Variants in CANT1 observed in about 807,000 individuals in gnomAD.
The protein encoded by CANT1 is calcium activated nucleotidase 1.
Under a neutral mutation model 30.0 loss-of-function variants are expected in CANT1, and 26 were observed. That is an observed-to-expected ratio of 0.87 (90% CI 0.64 to 1.20). The LOEUF (loss-of-function observed/expected upper bound fraction) is 1.20, where lower values mean the gene tolerates loss of function less well. Among genes scored for constraint, CANT1 ranks in the 50% most tolerant of loss-of-function variants. The pLI, the probability that CANT1 is intolerant of heterozygous loss-of-function variation, is 0.00. For synonymous variants in CANT1, 246 were observed against 251.8 expected, an observed-to-expected ratio of 0.98 and a Z score of 0.22; for missense variants, 518 against 563.0, an observed-to-expected ratio of 0.92 and a Z score of 0.81.
At chr17:79,009,143 AGGGGG>A (rs2145862941) in intron 1 of CANT1, among the ~76,000 whole-genome samples, 1 of 151,618 alleles carries the variant, frequency 6.6e-6, no homozygotes, top group African/African-American at 2.4e-5. Context: ...CACTAACCAG[AGGGGG>A]AGGTGCCCCA....
Position 78,998,104 on chromosome 17 carries a change from C to T in CANT1, c.-146-141G>A. On this transcript the variant is annotated intron_variant, in intron 1 of 4. Transcript: ENST00000392446. This position sits in a 1 kb window ranked among gnomAD's most constrained non-coding sequence, Gnocchi z 4.5. ...GAAGCCCTCCCTGACTGCCCTGCTG[C>T]AGACATCACCCTCCGTCCCTGGGTC... 5.3e-6 allele frequency: 1 copy of T among 189,544 alleles called. No individual in the cohort carries two copies. Among genetic ancestry groups the T allele is most frequent in the Non-Finnish European group, 1.1e-5 (1 of 90,472 alleles). The allele number at this position is 189,544 out of a possible 1,614,324, so 11.7% of individuals were successfully genotyped here. A position where few individuals can be genotyped will look rare whatever the true frequency, so the allele number is the denominator to read the frequency against.
At chr17:78,994,049 C>A in intron 4 of CANT1, 129 bp from the exon 5 acceptor site, 2 of 1,252,614 alleles carry the variant, frequency 1.6e-6, no homozygotes, top group Admixed American at 2.6e-5. Flanking sequence ...CAGCAACCCG[C>A]CCCTCCCTGC....
intron 1 of CANT1, among the ~76,000 whole-genome samples, chr17:79,000,423 C>T (rs574770207): frequency 5.1e-4 from 77 of 152,096 alleles, no homozygotes; most frequent in Admixed American, 1.5e-3. Context: ...TGCCGGCTGC[C>T]TCCCTCCACC....
In CANT1 at chr17:78,996,681, C is replaced by T. The variant is rs952729284; in HGVS notation, c.631+311G>A. Among the ~76,000 whole-genome samples the T allele has an allele frequency of 2.6e-5, 4 of 152,146 alleles. No homozygotes were observed. Among genetic ancestry groups the T allele is most frequent in the African/African-American group, 4.8e-5 (2 of 41,426 alleles). On this transcript the variant is annotated intron_variant, in intron 3 of 4. Transcript: ENST00000392446. This position sits in a 1 kb window ranked among gnomAD's most constrained non-coding sequence, Gnocchi z 5.1. ...AGAACCTTTGAAGGTGTAAAAAGGG[C>T]GTGTTCCCAGAGGCTCCGAGAGCAG... is the stretch of plus-strand genomic sequence containing the variant.
intron 1 of CANT1, among the ~76,000 whole-genome samples, 160 bp downstream of exon 1, chr17:79,009,504 A>T (rs981000541): frequency 1.3e-5 from 2 of 151,790 alleles, no homozygotes; most frequent in East Asian, 1.9e-4. Context: ...CCAGTCTGCG[A>T]GTCAGGGGGC....
chr17:79,006,830 C>T (rs541339699), intron 1 of CANT1, among the ~76,000 whole-genome samples: 16 of 152,300 alleles, frequency 1.1e-4, no homozygotes, highest in South Asian at 6.2e-4. Context: ...GGCACCTGCA[C>T]GAGCCCACCT....
rs1359812004 is a variant in CANT1 at position 78,997,960 on chromosome 17, C to G, written c.-143G>C. On this transcript the variant is annotated 5_prime_UTR_variant, in exon 2 of 5. Transcript: ENST00000392446. The surrounding 1 kb of genome is among the most constrained non-coding windows in gnomAD (Gnocchi z 7.5). ...TCCATGCAGGCTGGTGCTCTGTGGTCCCTCTAAAGAGAGAAGCGCAGGAGA... is the reference window on the plus strand; with the variant it reads ...TCCATGCAGGCTGGTGCTCTGTGGTGCCTCTAAAGAGAGAAGCGCAGGAGA... 3.1e-6 allele frequency: 1 copy of G among 318,462 alleles called. No homozygotes were observed. The highest frequency in any genetic ancestry group is 5.8e-6 in the Non-Finnish European group (1 of 172,012). The allele number at this position is 318,462 out of a possible 1,614,324, so 19.7% of individuals were successfully genotyped here. A position where few individuals can be genotyped will look rare whatever the true frequency, so the allele number is the denominator to read the frequency against.
Position 79,002,310 on chromosome 17 carries a change from C to T in CANT1, c.-146-4347G>A, listed in dbSNP as rs766634829. ...CTTCCCTTGGCCTCAGTTTACTTCC[C>T]GGAGCCATGCTGATGGGGTTAGAGA... On this transcript the variant is annotated intron_variant, in intron 1 of 4. Transcript: ENST00000392446. This position sits in a 1 kb window ranked among gnomAD's most constrained non-coding sequence, Gnocchi z 4.0. Among the ~76,000 whole-genome samples the T allele has an allele frequency of 5.3e-4, 81 of 152,070 alleles. No individual in the cohort carries two copies. Among genetic ancestry groups the T allele is most frequent in the Admixed American group, 8.5e-4 (13 of 15,274 alleles).
In CANT1 at chr17:78,995,070, G is replaced by T. The variant is rs780811428; in HGVS notation, c.783C>A (p.Asn261Lys). 32 of 1,606,646 alleles carry T rather than the reference G, an allele frequency of 2.0e-5. No homozygotes were observed. Among genetic ancestry groups the T allele is most frequent in the Non-Finnish European group, 2.6e-5 (31 of 1,176,698 alleles). Reference protein sequence around the residue: ...VGYKGSVDHENWVSNYNALRA... With the variant: ...VGYKGSVDHEKWVSNYNALRA... ...GCAGGGCGTTGTAGTTGGACACCCA[G>T]TTCTCGTGGTCCACGCTGCCCTTGT... Residue 261 changes from asparagine to lysine, a missense_variant, in exon 4 of 5, where the codon AAC becomes AAA. By Grantham distance (94) the Asn-to-Lys change is moderately conservative (BLOSUM62 0). Around this residue, in one of 3 missense-constraint regions of CANT1, gnomAD observed 221 missense variants for 211.8 expected, o/e 1.04. Coordinates refer to ENST00000392446, the MANE Select transcript of CANT1 (RefSeq NM_001159773.2). The surrounding 1 kb of genome is among the most constrained non-coding windows in gnomAD (Gnocchi z 5.7).
rs1568036727 is a variant in CANT1 at position 78,997,395 on chromosome 17, G to C, written c.228C>G (p.Asn76Lys). ...PGRPPTHNAHNWRLGQAPANW... is the reference protein window; with the variant it reads ...PGRPPTHNAHKWRLGQAPANW... Reference sequence around the variant, plus strand: ...TGGCGGGCGCCTGGCCGAGCCTCCAGTTGTGTGCATTGTGGGTGGGGGGCC... The same window carrying C: ...TGGCGGGCGCCTGGCCGAGCCTCCACTTGTGTGCATTGTGGGTGGGGGGCC... Residue 76 changes from asparagine to lysine, a missense_variant, in exon 3 of 5, where the codon AAC (asparagine) becomes AAG (lysine). Transcript: ENST00000392446. This position sits in a 1 kb window ranked among gnomAD's most constrained non-coding sequence, Gnocchi z 7.5. The C allele has an allele frequency of 6.2e-7, 1 of 1,612,966 alleles. No individual in the cohort carries two copies. Among genetic ancestry groups the C allele is most frequent in the Non-Finnish European group, 8.5e-7 (1 of 1,179,374 alleles).
chr17:78,995,787 AC>A lies in CANT1; in HGVS notation c.632-567del, dbSNP rs1304216441. On this transcript the variant is annotated intron_variant, in intron 3 of 4. Transcript: ENST00000392446. The surrounding 1 kb of genome is among the most constrained non-coding windows in gnomAD (Gnocchi z 5.7). ...TACCGTGTATTCTTATCATCCCTAC[AC>A]CCTGGTGTTCTAACTTCTGTTTGCT... Among the ~76,000 whole-genome samples the A allele has an allele frequency of 2.0e-5, 3 of 151,852 alleles. No individual in the cohort carries two copies. The highest frequency in any genetic ancestry group is 7.3e-5 in the African/African-American group (3 of 41,300).
rs556188370 is a variant in CANT1 at position 78,993,585 on chromosome 17, C to T, written c.1171G>A (p.Gly391Arg). 3.1e-6 allele frequency: 5 copies of T among 1,614,256 alleles called. 1 individual carries two copies. The highest frequency in any genetic ancestry group is 3.3e-5 in the Admixed American group (2 of 60,020). ...TCGATGCCTTCGTATTTCACGCTTC[C>T]GATCTTGGTCTCCGGCAACAGGAAG... ...GRFLLPETKIGSVKYEGIEFI is the reference protein window; with the variant it reads ...GRFLLPETKIRSVKYEGIEFI The change falls in exon 5 of 5, where the codon GGA becomes AGA. Residue 391 changes from glycine (G) to arginine (R), a missense_variant. Gly to Arg is a moderately radical substitution (Grantham distance 125). Around this residue, in one of 3 missense-constraint regions of CANT1, gnomAD observed 221 missense variants for 211.8 expected, o/e 1.04. Transcript: ENST00000392446. This position sits in a 1 kb window ranked among gnomAD's most constrained non-coding sequence, Gnocchi z 4.5.
In CANT1 at chr17:78,996,642, C is replaced by G. The variant is rs2071041898; in HGVS notation, c.631+350G>C. Among the ~76,000 whole-genome samples, 1 of 152,164 alleles carries G rather than the reference C, an allele frequency of 6.6e-6. No homozygotes were observed. On this transcript the variant is annotated intron_variant, in intron 3 of 4. Coordinates refer to ENST00000392446, the MANE Select transcript of CANT1 (RefSeq NM_001159773.2). The surrounding 1 kb of genome is among the most constrained non-coding windows in gnomAD (Gnocchi z 5.1). ...GGGCAAGGCTCCTGGTAGGCACATC[C>G]TAGCGTGGTCTTGAGAACCTTTGAA...
At chr17:78,999,786 T>C (rs755982357) in intron 1 of CANT1, among the ~76,000 whole-genome samples, 79 of 151,786 alleles carry the variant, frequency 5.2e-4, no homozygotes, top group Non-Finnish European at 9.4e-4. Flanking sequence ...CCCTAGTAGC[T>C]GGGATTACAG....
chr17:78,995,115 C>T lies in CANT1; in HGVS notation c.738G>A (p.Glu246=). The part of the protein sequence containing the change: ...TTGDVVNENP[E]WVKVVGYKGS... ...CCTTGTAGCCCACCACCTTCACCCA[C>T]TCCGGGTTCTCGTTCACCACATCAC... The change falls in exon 4 of 5, where the codon GAG becomes GAA. Residue 246 remains glutamate (E), a synonymous_variant. Coordinates refer to ENST00000392446, the MANE Select transcript of CANT1 (RefSeq NM_001159773.2). The surrounding 1 kb of genome is among the most constrained non-coding windows in gnomAD (Gnocchi z 5.7). 10 of 1,613,516 alleles carry T rather than the reference C, an allele frequency of 6.2e-6. No homozygotes were observed. Among genetic ancestry groups the T allele is most frequent in the Non-Finnish European group, 8.5e-6 (10 of 1,179,834 alleles).
rs1235582842 is a variant in CANT1, at chr17:78,996,797, T to C, written c.631+195A>G. On this transcript the variant is annotated intron_variant, in intron 3 of 4. Transcript: ENST00000392446. The surrounding 1 kb of genome is among the most constrained non-coding windows in gnomAD (Gnocchi z 5.1). ...GCTCTTCCTCCTAGAAACTGCTCAGTGTGAAGTGACAGTAGGCTATGCTCC... is the reference window on the plus strand; with the variant it reads ...GCTCTTCCTCCTAGAAACTGCTCAGCGTGAAGTGACAGTAGGCTATGCTCC... The C allele has an allele frequency of 1.3e-6, 1 of 781,616 alleles. No homozygotes were observed. The highest frequency in any genetic ancestry group is 2.3e-6 in the Non-Finnish European group (1 of 443,468). 48.4% of individuals were successfully genotyped at this position (781,616 alleles called of 1,614,324 possible).
rs1247688859 is a variant in CANT1, at chr17:78,997,768, G to A, written c.-23+72C>T. 8.8e-6 allele frequency: 7 copies of A among 798,518 alleles called. No individual in the cohort carries two copies. The highest frequency in any genetic ancestry group is 1.1e-5 in the Non-Finnish European group (6 of 531,280). The allele number at this position is 798,518 out of a possible 1,614,324, so 49.5% of individuals were successfully genotyped here. A position where few individuals can be genotyped will look rare whatever the true frequency, so the allele number is the denominator to read the frequency against. On this transcript the variant is annotated intron_variant, in intron 2 of 4. Transcript: ENST00000392446. This position sits in a 1 kb window ranked among gnomAD's most constrained non-coding sequence, Gnocchi z 7.5. ...AAGAAACAGTATTTCACTACTCTGT[G>A]GCCATTCTTACTCCCTTGGCTTAAT...
Position 78,996,108 on chromosome 17 carries a change from G to A in CANT1, c.631+884C>T, listed in dbSNP as rs577125630. Among the ~76,000 whole-genome samples, 110 of 152,312 alleles carry A rather than the reference G, an allele frequency of 7.2e-4. No homozygotes were observed. The highest frequency in any genetic ancestry group is 2.6e-3 in the African/African-American group (108 of 41,574). ...GCGAGGCAGGAAGTAGGCGACCAAC[G>A]CCTCAGTTGATACCTCAGGTGAGGT... On this transcript the variant is annotated intron_variant, in intron 3 of 4. Transcript: ENST00000392446. The surrounding 1 kb of genome is among the most constrained non-coding windows in gnomAD (Gnocchi z 5.1).
intron 1 of CANT1, among the ~76,000 whole-genome samples, chr17:79,003,961 AG>A (rs2071359838): frequency 3.9e-4 from 4 of 10,246 alleles, no homozygotes; most frequent in Non-Finnish European, 5.3e-4. Context: ...GTTAGGGAGT[AG>A]GGAGTTGGGG....
Sources: gnomAD v4.1 joint callset for allele counts (sites outside exome capture counted in the v4.1 genomes callset) on GRCh38, gnomAD v4.1.1 for gene constraint, gnomAD v4.1.1 regional missense constraint, Gnocchi (gnomAD v3.1) non-coding constraint, MANE v1.5 for transcripts, NCBI Gene and HGNC (gene_info 2026-07-23, HGNC 2026-07-21) for gene names.